Variants in PLEKHH1 observed in about 807,000 individuals in gnomAD.
The protein encoded by PLEKHH1 is pleckstrin homology, MyTH4 and FERM domain containing H1, also known as pleckstrin homology domain-containing family H member 1.
PLEKHH1 carries 104 observed loss-of-function variants against 160.0 expected under a neutral mutation model. That is an observed-to-expected ratio of 0.65 (90% CI 0.55 to 0.76). The LOEUF is 0.76. Ranked by LOEUF, PLEKHH1 falls within the 30% of genes least tolerant of loss-of-function variation. The pLI, the probability that PLEKHH1 is intolerant of heterozygous loss-of-function variation, is 0.00. For synonymous variants in PLEKHH1, 619 were observed against 678.4 expected (o/e 0.91, Z 1.36); for missense variants, 1,427 against 1,724.1 (o/e 0.83, Z 3.05).
At position 67,576,382 on chromosome 14, in the gene PLEKHH1, C is replaced by T. The variant is rs372308142; in HGVS notation, c.2353-13C>T. 381 of 1,528,444 alleles carry T rather than the reference C, an allele frequency of 2.5e-4. No homozygotes were observed. The highest frequency in any genetic ancestry group is 2.9e-4 in the Non-Finnish European group (322 of 1,104,578). The allele number at this position is 1,528,444 out of a possible 1,614,324, so 94.7% of individuals were successfully genotyped here. Reference sequence around the variant, plus strand: ...ACCCCGTCCCCATCCGATGGCTTTCCGCCCTCTTCCAGGATACGTGGCTCT... The same window carrying T: ...ACCCCGTCCCCATCCGATGGCTTTCTGCCCTCTTCCAGGATACGTGGCTCT... On this transcript the variant is annotated splice_polypyrimidine_tract_variant and intron_variant, in intron 16 of 28. Coordinates refer to ENST00000329153, the MANE Select transcript of PLEKHH1 (RefSeq NM_020715.3). The surrounding 1 kb of genome is among the most constrained non-coding windows in gnomAD (Gnocchi z 4.0).
Position 67,573,035 on chromosome 14 carries a change from T to C in PLEKHH1, c.1729-241T>C, listed in dbSNP as rs565938937. On this transcript the variant is annotated intron_variant, in intron 11 of 28. Transcript: ENST00000329153. This position sits in a 1 kb window ranked among gnomAD's most constrained non-coding sequence, Gnocchi z 4.8. ...CAGCCCCTGCTCTGCTACCTTCTCA[T>C]AGTGAGGTCTTCCCCAGCTAGCATG... Among the ~76,000 whole-genome samples, 1 of 152,208 alleles carries C rather than the reference T, an allele frequency of 6.6e-6. No individual in the cohort carries two copies. Among genetic ancestry groups the C allele is most frequent in the Admixed American group, 6.5e-5 (1 of 15,292 alleles).
intron 5 of PLEKHH1, among the ~76,000 whole-genome samples, chr14:67,560,971 T>C (rs2034811520): frequency 6.6e-6 from 1 of 152,150 alleles, no homozygotes; most frequent in African/African-American, 2.4e-5. Flanking sequence ...CCTCAGGTGA[T>C]CTGCCCGCCT....
chr14:67,572,420 G>A, intron 11 of PLEKHH1, 143 bp downstream of exon 11: 1 of 647,096 alleles, frequency 1.5e-6, no homozygotes, highest in Non-Finnish European at 2.6e-6. Flanking sequence ...CGTGGGCTGG[G>A]GGGGTGTACA....
intron 7 of PLEKHH1, among the ~76,000 whole-genome samples, chr14:67,568,161 C>T (rs1437971924): frequency 6.6e-6 from 1 of 152,064 alleles, no homozygotes; most frequent in Non-Finnish European, 1.5e-5. Context: ...TTCATCACAG[C>T]ACTACTCACA....
At chr14:67,586,792 C>A in intron 28 of PLEKHH1, 1 of 1,391,478 alleles carries the variant, frequency 7.2e-7, no homozygotes, top group Non-Finnish European at 9.4e-7. Flanking sequence ...CTTAAGAAGG[C>A]CCCTTCCCTG....
At position 67,578,042 on chromosome 14, in the gene PLEKHH1, A is replaced by G. The variant is rs201614604; in HGVS notation, c.2594A>G (p.Asn865Ser). 9.2e-5 allele frequency: 149 copies of G among 1,613,350 alleles called. No individual in the cohort carries two copies. Among genetic ancestry groups the G allele is most frequent in the Admixed American group, 2.2e-4 (13 of 59,956 alleles). ...TCCCAGTCCTGCCAGCTCTTCATCA[A>G]CGTGCCGGTGGAAGCTGCCTCGGTG... The part of the protein sequence containing the change: ...KLFKSCQLFI[N>S]VPVEAASVDY... Residue 865 changes from asparagine (N) to serine (S), a missense_variant, in exon 19 of 29, where the codon AAC becomes AGC. Physicochemically the swap from Asn to Ser is conservative, Grantham distance 46. This residue lies in a region of PLEKHH1 where 436 missense variants were observed against 607.5 expected (regional missense o/e 0.72). Coordinates refer to ENST00000329153, the MANE Select transcript of PLEKHH1 (RefSeq NM_020715.3). This position sits in a 1 kb window ranked among gnomAD's most constrained non-coding sequence, Gnocchi z 5.0.
chr14:67,538,851 C>A (rs2033851838), intron 1 of PLEKHH1, among the ~76,000 whole-genome samples: 1 of 152,180 alleles, frequency 6.6e-6, no homozygotes, highest in African/African-American at 2.4e-5. Flanking sequence ...TTGGGGAAAG[C>A]ATTCCCTAAA....
intron 21 of PLEKHH1, 90 bp from the exon 22 acceptor site, chr14:67,579,631 T>C (rs2035795364): frequency 7.5e-7 from 1 of 1,327,112 alleles, no homozygotes. Context: ...CCTTGCTCCT[T>C]TCCACCTGCT....
chr14:67,548,485 G>A (rs547149493), intron 2 of PLEKHH1, among the ~76,000 whole-genome samples: 1 of 152,282 alleles, frequency 6.6e-6, no homozygotes, highest in South Asian at 2.1e-4. Flanking sequence ...ATCACCTGAG[G>A]TCGGGAGTTT....
At chr14:67,539,470 G>T (rs187483186) in intron 1 of PLEKHH1, among the ~76,000 whole-genome samples, 108 of 152,266 alleles carry the variant, frequency 7.1e-4, no homozygotes, top group African/African-American at 2.5e-3. Flanking sequence ...GCCTTTCTCT[G>T]CAGGTCTTAT....
At position 67,587,441 on chromosome 14, in the gene PLEKHH1, G is replaced by A; in HGVS notation, c.*206G>A. 1 of 609,778 alleles carries A rather than the reference G, an allele frequency of 1.6e-6. No homozygotes were observed. The highest frequency in any genetic ancestry group is 2.0e-5 in the South Asian group (1 of 50,650). 37.8% of individuals were successfully genotyped at this position (609,778 alleles called of 1,614,324 possible). The stretch of plus-strand genomic sequence containing the variant: ...CAACTTTTTAAAATCCAGACCCAGT[G>A]TTAAAACCATTTATTCCTTTTTTCA... On this transcript the variant is annotated 3_prime_UTR_variant, in exon 29 of 29. Transcript: ENST00000329153.
rs774202545 is a variant in PLEKHH1, at chr14:67,571,780, T to C, written c.1463T>C (p.Phe488Ser). The change falls in exon 10 of 29, where the codon TTT becomes TCT. Residue 488 changes from phenylalanine (F) to serine (S), a missense_variant. Phe to Ser is a radical substitution (Grantham distance 155). Around this residue, in one of 6 missense-constraint regions of PLEKHH1, gnomAD observed 831 missense variants for 929.2 expected, o/e 0.89. Coordinates refer to ENST00000329153, the MANE Select transcript of PLEKHH1 (RefSeq NM_020715.3). ...GRATQISNMP[F>S]MDESSGSDDD... is the part of the protein sequence containing the mutation. ...GCTACACAGATCAGCAACATGCCCTTTATGGACGAGTCCTCTGGGTCTGAC... is the reference window on the plus strand; with the variant it reads ...GCTACACAGATCAGCAACATGCCCTCTATGGACGAGTCCTCTGGGTCTGAC... 14 of 1,613,798 alleles carry C rather than the reference T, an allele frequency of 8.7e-6. No individual in the cohort carries two copies. In the Admixed American group the frequency reaches 2.2e-4, roughly 25 times the overall value.
chr14:67,547,339 G>T (rs1594748542), intron 2 of PLEKHH1, among the ~76,000 whole-genome samples: 1 of 152,348 alleles, frequency 6.6e-6, no homozygotes, highest in East Asian at 1.9e-4. Context: ...TCAATGTCAG[G>T]ATTGTGTCTG....
chr14:67,541,486 T>G (rs2033961029), intron 1 of PLEKHH1, among the ~76,000 whole-genome samples: 1 of 152,276 alleles, frequency 6.6e-6, no homozygotes, highest in Admixed American at 6.5e-5. Flanking sequence ...GGGTCAGGCA[T>G]ATAAGTAGCT....
Position 67,579,297 on chromosome 14 carries a change from A to G in PLEKHH1, c.3013A>G (p.Asn1005Asp). Residue 1005 changes from asparagine to aspartate, a missense_variant, in exon 21 of 29, where the codon AAC becomes GAC. Around this residue, in one of 6 missense-constraint regions of PLEKHH1, gnomAD observed 436 missense variants for 607.5 expected, o/e 0.72. Transcript: ENST00000329153. ...CTTCAGCATCCCCGTGCACTTTACC[A>G]ACGGGACTTACCATGTGAGGAGCTG... ...LPFSIPVHFTNGTYHVVGFDG... is the reference protein window; with the variant it reads ...LPFSIPVHFTDGTYHVVGFDG... 1.3e-6 allele frequency: 2 copies of G among 1,539,116 alleles called. No individual in the cohort carries two copies. The highest frequency in any genetic ancestry group is 1.7e-6 in the Non-Finnish European group (2 of 1,146,316).
intron 2 of PLEKHH1, among the ~76,000 whole-genome samples, chr14:67,547,797 CAG>C (rs76907236): frequency 0.06 from 9,111 of 152,290 alleles, 394 homozygotes; most frequent in East Asian, 0.18. Context: ...TCATTCTAGT[CAG>C]GGAATAATCT....
At chr14:67,545,333 T>C (rs953905092) in intron 2 of PLEKHH1, among the ~76,000 whole-genome samples, 7 of 152,186 alleles carry the variant, frequency 4.6e-5, no homozygotes, top group African/African-American at 1.7e-4. Flanking sequence ...TGAATAACTA[T>C]GCGCTCAGCT....
intron 9 of PLEKHH1, 152 bp from the exon 10 acceptor site, chr14:67,571,600 A>AG (rs1298697319): frequency 4.5e-6 from 3 of 673,328 alleles, no homozygotes; most frequent in African/African-American, 1.8e-5. Context: ...GAGTGAGGCC[A>AG]GGAGGGACCT....
At chr14:67,566,562 C>T (rs905775276) in intron 7 of PLEKHH1, among the ~76,000 whole-genome samples, 42 of 148,262 alleles carry the variant, frequency 2.8e-4, no homozygotes, top group African/African-American at 9.0e-4. Flanking sequence ...CTGGGCAACA[C>T]GGCGAAACCC....
Sources: gnomAD v4.1 joint callset for allele counts (sites outside exome capture counted in the v4.1 genomes callset) on GRCh38, gnomAD v4.1.1 for gene constraint, gnomAD v4.1.1 regional missense constraint, Gnocchi (gnomAD v3.1) non-coding constraint, MANE v1.5 for transcripts, NCBI Gene and HGNC (gene_info 2026-07-23, HGNC 2026-07-21) for gene names.